CEP290: variants seen among roughly 807,000 people sequenced by gnomAD.
The protein encoded by CEP290 is centrosomal protein of 290 kDa.
Under a neutral mutation model 344.9 loss-of-function variants are expected in CEP290, and 317 were observed. That is an observed-to-expected ratio of 0.92 (90% CI 0.84 to 1.01). The LOEUF (loss-of-function observed/expected upper bound fraction) is 1.01. Among genes scored for constraint, CEP290 ranks in the 50% least tolerant of loss-of-function variants. The probability of loss-of-function intolerance (pLI) is 0.00; values close to 1 mark genes in which losing one functional copy is unlikely to be tolerated. For missense variants in CEP290, 2,754 were observed against 2,761.4 expected (o/e 1.00, Z 0.06); for synonymous variants, 932 against 895.8 (o/e 1.04, Z -0.72).
Position 88,079,107 on chromosome 12 carries a change from A to G in CEP290, c.5349T>C (p.His1783=). The change falls in exon 39 of 54, where the codon CAT becomes CAC. Residue 1783 remains histidine, a synonymous_variant. Transcript: ENST00000552810. Reference sequence around the variant, plus strand: ...TGATGTTCACCTTTAGCTCTCTAGTATGTCGATCAACGATTTGTTGAACAT... The same window carrying G: ...TGATGTTCACCTTTAGCTCTCTAGTGTGTCGATCAACGATTTGTTGAACAT... ...HLNVQQIVDR[H]TRELKTQVED... is the part of the protein sequence containing the mutation. 1 of 1,591,434 alleles carries G rather than the reference A, an allele frequency of 6.3e-7. No individual in the cohort carries two copies. The highest frequency in any genetic ancestry group is 8.5e-7 in the Non-Finnish European group (1 of 1,172,056).
chr12:88,130,405 G>C lies in CEP290; in HGVS notation c.532C>G (p.Gln178Glu). 1 of 1,603,244 alleles carries C rather than the reference G, an allele frequency of 6.2e-7. No individual in the cohort carries two copies. The highest frequency in any genetic ancestry group is 1.1e-5 in the South Asian group (1 of 88,110). Residue 178 changes from glutamine (Q) to glutamate (E), a missense_variant, in exon 9 of 54, where the codon CAG (glutamine) becomes GAG (glutamate). Transcript: ENST00000552810. ...TGTTTCTGGTAGTCAATAATATCCTGACAAAGTTGTTCATTCTGAAGGTAA... is the reference window on the plus strand; with the variant it reads ...TGTTTCTGGTAGTCAATAATATCCTCACAAAGTTGTTCATTCTGAAGGTAA... Reference protein sequence around the residue: ...RLKKKNEQLCQDIIDYQKQID... With the variant: ...RLKKKNEQLCEDIIDYQKQID...
intron 29 of CEP290, among the ~76,000 whole-genome samples, chr12:88,092,037 C>T (rs192960123): frequency 6.6e-6 from 1 of 152,176 alleles, no homozygotes; most frequent in African/African-American, 2.4e-5. Flanking sequence ...CTCTGCCTCC[C>T]GAGTAGCTGG....
intron 18 of CEP290, 135 bp downstream of exon 18, chr12:88,116,898 C>T (rs941380328): frequency 7.1e-5 from 33 of 466,320 alleles, no homozygotes; most frequent in South Asian, 6.4e-4. Flanking sequence ...GGCATGAACC[C>T]GGGAGGCGGA....
chr12:88,059,126 G>A (rs2034254428), intron 48 of CEP290, 106 bp from the exon 49 acceptor site: 1 of 899,454 alleles, frequency 1.1e-6, no homozygotes, highest in South Asian at 2.0e-5. Context: ...AAAATAACCT[G>A]GGGCTCTAAA....
chr12:88,054,299 TA>T (rs770290173), intron 51 of CEP290, 40 bp downstream of exon 51: 26 of 1,343,854 alleles, frequency 1.9e-5, no homozygotes, highest in Non-Finnish European at 2.6e-5. Context: ...ATTTTTTTTT[TA>T]AAGAAAAAAA....
intron 44 of CEP290, among the ~76,000 whole-genome samples, chr12:88,065,726 G>T (rs2471508): frequency 0.88 from 134,091 of 152,180 alleles, 59,955 homozygotes; most frequent in East Asian, 0.99. Flanking sequence ...TTCTATCTAA[G>T]GAAGATCTCA....
intron 46 of CEP290, among the ~76,000 whole-genome samples, chr12:88,062,325 T>C (rs772875606): frequency 6.6e-6 from 1 of 152,138 alleles, no homozygotes; most frequent in Non-Finnish European, 1.5e-5. Flanking sequence ...AGGAACAATG[T>C]AATTATAAAA....
Position 88,115,166 on chromosome 12 carries a change from CT to C in CEP290, c.1840del (p.Arg614GlufsTer3). On this transcript the variant is annotated frameshift_variant, in exon 19 of 54. Coordinates refer to ENST00000552810, the MANE Select transcript of CEP290 (RefSeq NM_025114.4). LOFTEE classifies it high-confidence loss of function. ...EAQSKNEFLS[R>X]ELIEKERDLE... is the part of the protein sequence containing the mutation. ...ATCTCTTTCTTTTTCAATTAGTTCT[CT>C]TGAAAGAAATTCATTCTGAAAAAAG... 6.8e-7 allele frequency: 1 copy of C among 1,476,824 alleles called. No homozygotes were observed. Among genetic ancestry groups the C allele is most frequent in the Non-Finnish European group, 9.3e-7 (1 of 1,080,032 alleles). 91.5% of individuals were successfully genotyped at this position (1,476,824 alleles called of 1,614,324 possible). A position where few individuals can be genotyped will look rare whatever the true frequency, so the allele number is the denominator to read the frequency against.
chr12:88,080,468 C>T (rs2036120497), intron 37 of CEP290, 73 bp from the exon 38 acceptor site: 4 of 1,120,306 alleles, frequency 3.6e-6, no homozygotes, highest in Non-Finnish European at 5.1e-6. Context: ...CTCACTCTGT[C>T]ACCCAGGCTG....
rs1197167750 is a variant in CEP290 at position 88,096,871 on chromosome 12, A to G, written c.3103+17T>C. The G allele has an allele frequency of 5.0e-6, 6 of 1,196,702 alleles. No individual in the cohort carries two copies. Among genetic ancestry groups the G allele is most frequent in the African/African-American group, 1.5e-5 (1 of 65,096 alleles). The allele number at this position is 1,196,702 out of a possible 1,614,324, so 74.1% of individuals were successfully genotyped here. On this transcript the variant is annotated intron_variant, in intron 27 of 53. Coordinates refer to ENST00000552810, the MANE Select transcript of CEP290 (RefSeq NM_025114.4). ...TAGATGTTAATCATTTTATATTATC[A>G]GAGTCATAAAACTTACCTAATTTAG...
At chr12:88,085,903 TAGG>T in intron 34 of CEP290, 133 bp downstream of exon 34, 1 of 792,362 alleles carries the variant, frequency 1.3e-6, no homozygotes, top group Non-Finnish European at 1.9e-6. Context: ...AGAAACATTA[TAGG>T]AGAATAGAAA....
chr12:88,068,400 T>G, intron 44 of CEP290, 122 bp downstream of exon 44: 1 of 561,806 alleles, frequency 1.8e-6, no homozygotes, highest in Non-Finnish European at 2.8e-6. Context: ...AAGTTGAATT[T>G]ACTGTATTAC....
Position 88,079,118 on chromosome 12 carries a change from C to T in CEP290, c.5338G>A (p.Val1780Ile), listed in dbSNP as rs368492668. The change falls in exon 39 of 54, where the codon GTT becomes ATT. Residue 1780 changes from valine (V) to isoleucine (I), a missense_variant. Coordinates refer to ENST00000552810, the MANE Select transcript of CEP290 (RefSeq NM_025114.4). ...TTTAGCTCTCTAGTATGTCGATCAA[C>T]GATTTGTTGAACATTGAGATGGGCC... ...KEAHLNVQQI[V>I]DRHTRELKTQ... 222 of 1,592,354 alleles carry T rather than the reference C, an allele frequency of 1.4e-4. 1 individual carries two copies. Among genetic ancestry groups the T allele is most frequent in the Non-Finnish European group, 1.8e-4 (206 of 1,172,096 alleles).
chr12:88,137,313 A>C (rs2040403910), intron 5 of CEP290, among the ~76,000 whole-genome samples: 1 of 152,214 alleles, frequency 6.6e-6, no homozygotes, highest in South Asian at 2.1e-4. Flanking sequence ...GTGCAACTGA[A>C]GAACTAAATT....
intron 52 of CEP290, among the ~76,000 whole-genome samples, chr12:88,052,624 C>T (rs950292200): frequency 6.6e-6 from 1 of 152,108 alleles, no homozygotes; most frequent in Non-Finnish European, 1.5e-5. Context: ...TATGTACAGA[C>T]ATGCATATAT....
chr12:88,121,815 T>C (rs1039564350), intron 13 of CEP290, among the ~76,000 whole-genome samples: 2 of 152,070 alleles, frequency 1.3e-5, no homozygotes, highest in Non-Finnish European at 1.5e-5. Context: ...CCTGCCCTAG[T>C]TGCTTCAACT....
At chr12:88,106,642 A>T in intron 25 of CEP290, 33 bp downstream of exon 25, 2 of 1,446,164 alleles carry the variant, frequency 1.4e-6, no homozygotes, top group Non-Finnish European at 9.5e-7. Context: ...AATTTTTCAT[A>T]GTCAGAAAAA....
rs538293045 is a variant in CEP290 at position 88,103,168 on chromosome 12, T to C, written c.2818-157A>G. 7 of 421,980 alleles carry C rather than the reference T, an allele frequency of 1.7e-5. No homozygotes were observed. In the South Asian group the frequency reaches 2.3e-4, roughly 14 times the overall value. 26.1% of individuals were successfully genotyped at this position (421,980 alleles called of 1,614,324 possible). ...CATGTAAGAAAAACATGCATTAACA[T>C]AATTTCTTTCATATAAGAAATGTTA... On this transcript the variant is annotated intron_variant, in intron 25 of 53. Transcript: ENST00000552810.
At chr12:88,140,350 G>A (rs189034448) in intron 3 of CEP290, among the ~76,000 whole-genome samples, 126 of 152,088 alleles carry the variant, frequency 8.3e-4, no homozygotes, top group Non-Finnish European at 1.5e-3. Context: ...ATTGTGTTTC[G>A]AAAACCTTTA....
Sources: gnomAD v4.1 joint callset for allele counts (sites outside exome capture counted in the v4.1 genomes callset) on GRCh38, gnomAD v4.1.1 for gene constraint, MANE v1.5 for transcripts, NCBI Gene and HGNC (gene_info 2026-07-23, HGNC 2026-07-21) for gene names.